PBX3: variants seen among roughly 807,000 people sequenced by gnomAD.
PBX3 encodes pre-B-cell leukemia transcription factor 3.
PBX3 carries 14 observed loss-of-function variants against 48.5 expected under a neutral mutation model. The observed-to-expected ratio is 0.29, with a 90% CI of 0.19 to 0.45. The LOEUF is 0.45. Ranked by LOEUF, PBX3 falls within the 20% of genes least tolerant of loss-of-function variation. The pLI is 1.00. For missense variants in PBX3, 386 were observed against 546.7 expected (o/e 0.71, Z 2.93); for synonymous variants, 210 against 200.3 (o/e 1.05, Z -0.41).
chr9:125,929,568 G>T, intron 3 of PBX3, 87 bp from the exon 4 acceptor site: 1 of 884,074 alleles, frequency 1.1e-6, no homozygotes, highest in Non-Finnish European at 1.8e-6. Flanking sequence ...ATTGGTGAAT[G>T]CAAATGAGGT....
At chr9:125,902,790 G>A (rs1391215288) in intron 2 of PBX3, among the ~76,000 whole-genome samples, 1 of 151,642 alleles carries the variant, frequency 6.6e-6, no homozygotes, top group Non-Finnish European at 1.5e-5. Flanking sequence ...GTTAATTACT[G>A]TACATGTTGT....
intron 2 of PBX3, among the ~76,000 whole-genome samples, chr9:125,767,940 A>G (rs1403502430): frequency 6.6e-6 from 1 of 152,070 alleles, no homozygotes; most frequent in Non-Finnish European, 1.5e-5. Context: ...CTCAGGTGCT[A>G]GTAGGACTAG....
At chr9:125,761,280 A>G (rs1836660573) in intron 2 of PBX3, among the ~76,000 whole-genome samples, 1 of 151,754 alleles carries the variant, frequency 6.6e-6, no homozygotes, top group Middle Eastern at 3.4e-3. Context: ...CAATGGTGAT[A>G]TTTAATATTG....
In PBX3 at chr9:125,946,147, A is replaced by G. The variant is rs1842059319; in HGVS notation, c.843+10540A>G. 2.0e-5 allele frequency among the ~76,000 whole-genome samples: 3 copies of G among 152,226 alleles called. No homozygotes were observed. The South Asian group carries it at 6.2e-4, about 32-fold the overall frequency. On this transcript the variant is annotated intron_variant, in intron 5 of 8. Coordinates refer to ENST00000373489, the MANE Select transcript of PBX3 (RefSeq NM_006195.6). ...TCTTAGCAGTGAGTGCATCAGAAATAGACCCTAATGGAAGATCTGCTATTC... is the reference window on the plus strand; with the variant it reads ...TCTTAGCAGTGAGTGCATCAGAAATGGACCCTAATGGAAGATCTGCTATTC...
chr9:125,796,758 A>G (rs1349584241), intron 2 of PBX3, among the ~76,000 whole-genome samples: 2 of 152,050 alleles, frequency 1.3e-5, no homozygotes, highest in East Asian at 1.9e-4. Flanking sequence ...GGTCTTTTTA[A>G]AAGCAGTTGT....
At chr9:125,931,485 A>G (rs1258753527) in intron 4 of PBX3, among the ~76,000 whole-genome samples, 1 of 152,064 alleles carries the variant, frequency 6.6e-6, no homozygotes, top group Non-Finnish European at 1.5e-5. Flanking sequence ...TTTTGTAGAG[A>G]TGGTGTTTCA....
At chr9:125,946,319 CAAAA>C (rs1170585357) in intron 5 of PBX3, among the ~76,000 whole-genome samples, 2 of 151,830 alleles carry the variant, frequency 1.3e-5, no homozygotes, top group African/African-American at 4.8e-5. Context: ...CAAAAACAAA[CAAAA>C]AACTGGGCAC....
At chr9:125,752,261 G>T (rs1836395675) in intron 2 of PBX3, among the ~76,000 whole-genome samples, 1 of 152,166 alleles carries the variant, frequency 6.6e-6, no homozygotes. Flanking sequence ...GACTTGGGAA[G>T]ATCATAAAAC....
At chr9:125,764,356 G>C (rs1285316532) in intron 2 of PBX3, among the ~76,000 whole-genome samples, 2 of 152,216 alleles carry the variant, frequency 1.3e-5, no homozygotes, top group Admixed American at 6.5e-5. Flanking sequence ...ACAAAGTACA[G>C]TGTTGGCATT....
At chr9:125,908,943 A>G (rs967643858) in intron 2 of PBX3, among the ~76,000 whole-genome samples, 2 of 152,052 alleles carry the variant, frequency 1.3e-5, no homozygotes, top group East Asian at 1.9e-4. Flanking sequence ...TGTGAGAAAC[A>G]TGGCCCGTTT....
At chr9:125,763,626 CTGG>C (rs1836727075) in intron 2 of PBX3, among the ~76,000 whole-genome samples, 1 of 152,110 alleles carries the variant, frequency 6.6e-6, no homozygotes, top group Non-Finnish European at 1.5e-5. Context: ...CTGGTAACAA[CTGG>C]TGGTGAATGA....
rs139663536 is a variant in PBX3 at position 125,834,607 on chromosome 9, A to G, written c.275-81079A>G. ...AGACGGGGGTTGCGCCAAGTTGACT[A>G]AGCCGGTCTTGAACTCCTGACCTCA... is the stretch of plus-strand genomic sequence containing the variant. On this transcript the variant is annotated intron_variant, in intron 2 of 8. Coordinates refer to ENST00000373489, the MANE Select transcript of PBX3 (RefSeq NM_006195.6). 6.4e-3 allele frequency among the ~76,000 whole-genome samples: 970 copies of G among 151,436 alleles called. 15 individuals carry two copies. Among genetic ancestry groups the G allele is most frequent in the Non-Finnish European group, 7.4e-3 (500 of 67,804 alleles).
At chr9:125,868,123 A>G (rs1316454590) in intron 2 of PBX3, among the ~76,000 whole-genome samples, 1 of 150,456 alleles carries the variant, frequency 6.6e-6, no homozygotes, top group Non-Finnish European at 1.5e-5. Context: ...GATCTGGTCA[A>G]CTCGGCCTTC....
At chr9:125,949,362 C>T in intron 5 of PBX3, 1 of 1,550,500 alleles carries the variant, frequency 6.4e-7, no homozygotes, top group Non-Finnish European at 8.7e-7. Flanking sequence ...CCTACATTTT[C>T]TTGCCGGGCA....
chr9:125,813,176 A>G (rs898968527), intron 2 of PBX3, among the ~76,000 whole-genome samples: 2 of 151,730 alleles, frequency 1.3e-5, no homozygotes, highest in African/African-American at 4.9e-5. Flanking sequence ...CACATTGTAC[A>G]GCTTTACAGA....
chr9:125,929,866 A>G (rs745362871), intron 4 of PBX3, 21 bp downstream of exon 4: 31 of 1,544,946 alleles, frequency 2.0e-5, no homozygotes, highest in Admixed American at 1.0e-4. Context: ...CCATAAATCT[A>G]TTGCATGGCT....
chr9:125,929,862 A>G lies in PBX3; in HGVS notation c.707+17A>G. 1.3e-6 allele frequency: 2 copies of G among 1,576,506 alleles called. No homozygotes were observed. Among genetic ancestry groups the G allele is most frequent in the Non-Finnish European group, 1.7e-6 (2 of 1,146,788 alleles). On this transcript the variant is annotated intron_variant, in intron 4 of 8. Coordinates refer to ENST00000373489, the MANE Select transcript of PBX3 (RefSeq NM_006195.6). ...TGATGCCAGGTATGTGAAGCCATAAATCTATTGCATGGCTTTCCCCCGTCT... is the reference window on the plus strand; with the variant it reads ...TGATGCCAGGTATGTGAAGCCATAAGTCTATTGCATGGCTTTCCCCCGTCT...
intron 1 of PBX3, 174 bp from the exon 2 acceptor site, chr9:125,748,376 G>T: frequency 7.5e-7 from 1 of 1,339,266 alleles, no homozygotes; most frequent in South Asian, 1.7e-5. Context: ...TCGCCGCCGG[G>T]GCTTGCTGGC....
At chr9:125,916,048 G>C (rs1841325213) in intron 3 of PBX3, 121 bp downstream of exon 3, 1 of 1,372,456 alleles carries the variant, frequency 7.3e-7, no homozygotes, top group African/African-American at 1.4e-5. Flanking sequence ...AAATAAATAA[G>C]GTCAGTGCAA....
Sources: allele counts gnomAD v4.1 joint callset (sites outside exome capture counted in the v4.1 genomes callset), GRCh38; gene constraint gnomAD v4.1.1; transcripts MANE v1.5; gene names NCBI Gene and HGNC (gene_info 2026-07-23, HGNC 2026-07-21).